CIMAP2: variants seen among roughly 807,000 people sequenced by gnomAD.
CIMAP2 encodes the protein ciliary microtubule-associated protein 2.
At chr1:54,809,150 A>AT in the CIMAP2 span, among the ~76,000 whole-genome samples, 98 of 152,290 alleles carry the variant, frequency 6.4e-4, 2 homozygotes, top group African/African-American at 2.3e-3. Flanking sequence ...AAACATTCTA[A>AT]TTCTTTGCAA....
At chr1:54,816,004 C>CT in the CIMAP2 span, among the ~76,000 whole-genome samples, 69 of 152,294 alleles carry the variant, frequency 4.5e-4, no homozygotes, top group South Asian at 5.0e-3. Context: ...CGAATCCTTC[C>CT]TTTTTTTACC....
the CIMAP2 span, among the ~76,000 whole-genome samples, chr1:54,838,970 CTG>C: frequency 1.3e-5 from 2 of 152,122 alleles, no homozygotes; most frequent in African/African-American, 4.8e-5. Flanking sequence ...ATGGGAGAGG[CTG>C]CAAAGTCACA....
chr1:54,813,379 C>T, the CIMAP2 span, among the ~76,000 whole-genome samples: 2 of 152,286 alleles, frequency 1.3e-5, no homozygotes, highest in African/African-American at 4.8e-5. Context: ...TGGCCAAATG[C>T]GTGACATGCA....
the CIMAP2 span, among the ~76,000 whole-genome samples, chr1:54,840,546 G>GT: frequency 6.6e-6 from 1 of 152,162 alleles, no homozygotes; most frequent in African/African-American, 2.4e-5. Context: ...GTATAACTTT[G>GT]TAAGAAGCTG....
the CIMAP2 span, among the ~76,000 whole-genome samples, chr1:54,834,464 T>C: frequency 1.3e-5 from 2 of 152,228 alleles, no homozygotes; most frequent in Non-Finnish European, 2.9e-5. Flanking sequence ...TTCCCTGGTA[T>C]TTTATTACAA....
chr1:54,807,534 A>C, the CIMAP2 span: 1 of 1,566,198 alleles, frequency 6.4e-7, no homozygotes, highest in African/African-American at 1.4e-5. Context: ...AGTCCCACAT[A>C]GGCCCTGGGA....
chr1:54,838,525 G>A, the CIMAP2 span, among the ~76,000 whole-genome samples: 1 of 151,902 alleles, frequency 6.6e-6, no homozygotes, highest in South Asian at 2.1e-4. Context: ...ACAAAGCTCT[G>A]TGAGGTATGT....
the CIMAP2 span, chr1:54,811,776 C>CGGCGG: frequency 2.0e-6 from 1 of 491,898 alleles, no homozygotes; most frequent in Non-Finnish European, 3.9e-6. Context: ...CCTCCATGCC[C>CGGCGG]CCACCCCCGC....
chr1:54,807,232 A>T, the CIMAP2 span: 1 of 922,282 alleles, frequency 1.1e-6, no homozygotes, highest in Non-Finnish European at 1.7e-6. Flanking sequence ...GGGGGCTTCC[A>T]GTGTGTTTGA....
chr1:54,829,901 G>A, the CIMAP2 span, among the ~76,000 whole-genome samples: 2 of 151,650 alleles, frequency 1.3e-5, no homozygotes, highest in Non-Finnish European at 2.9e-5. Context: ...TTTTCTGTAT[G>A]TTCATTTTGG....
At chr1:54,830,452 T>A in the CIMAP2 span, among the ~76,000 whole-genome samples, 1 of 152,058 alleles carries the variant, frequency 6.6e-6, no homozygotes, top group East Asian at 1.9e-4. This position sits in a 1 kb window ranked among gnomAD's most constrained non-coding sequence, Gnocchi z 4.1. Context: ...GAACTCCTGA[T>A]CTCAGGTGAT....
the CIMAP2 span, among the ~76,000 whole-genome samples, chr1:54,838,877 A>G: frequency 6.6e-6 from 1 of 151,914 alleles, no homozygotes; most frequent in South Asian, 2.1e-4. Context: ...TATTTCTACC[A>G]CATTCTGTTG....
the CIMAP2 span, among the ~76,000 whole-genome samples, chr1:54,827,071 G>T: frequency 6.6e-6 from 1 of 152,128 alleles, no homozygotes; most frequent in African/African-American, 2.4e-5. Flanking sequence ...ACACTTTTTG[G>T]GTGCAAAAGC....
chr1:54,832,835 C>T, the CIMAP2 span, among the ~76,000 whole-genome samples: 15,494 of 152,076 alleles, frequency 0.1, 922 homozygotes, highest in Non-Finnish European at 0.13. Flanking sequence ...AGAGACTAGC[C>T]TGGGCAACAT....
At chr1:54,829,863 T>G in the CIMAP2 span, among the ~76,000 whole-genome samples, 4 of 152,324 alleles carry the variant, frequency 2.6e-5, no homozygotes, top group South Asian at 8.3e-4. Context: ...TTGCTTGACA[T>G]TGTCCCCATT....
chr1:54,824,620 T>A, the CIMAP2 span, among the ~76,000 whole-genome samples: 1 of 152,030 alleles, frequency 6.6e-6, no homozygotes, highest in Non-Finnish European at 1.5e-5. Context: ...AAGATGCCTG[T>A]CTTCAAGTTC....
chr1:54,812,111 C>T, the CIMAP2 span: 62 of 1,614,080 alleles, frequency 3.8e-5, no homozygotes, highest in African/African-American at 1.2e-4. Flanking sequence ...TGGCACGATC[C>T]GTCGGCACCC....
chr1:54,813,313 C>T, the CIMAP2 span, among the ~76,000 whole-genome samples: 1 of 152,190 alleles, frequency 6.6e-6, no homozygotes, highest in Non-Finnish European at 1.5e-5. Context: ...GTCATTATCA[C>T]CACAAGTCTG....
the CIMAP2 span, among the ~76,000 whole-genome samples, chr1:54,810,218 C>A: frequency 2.2e-4 from 33 of 152,180 alleles, no homozygotes; most frequent in African/African-American, 6.0e-4. Flanking sequence ...TTCCACAGAG[C>A]CTGGCAAACA....
Sources: allele counts gnomAD v4.1 joint callset (sites outside exome capture counted in the v4.1 genomes callset), GRCh38; gene constraint gnomAD v4.1.1; non-coding constraint Gnocchi (gnomAD v3.1); transcripts MANE v1.5; gene names NCBI Gene and HGNC (gene_info 2026-07-23, HGNC 2026-07-21).